Variants in PKP4 observed in about 807,000 individuals in gnomAD.
The protein encoded by PKP4 is plakophilin-4.
PKP4 carries 90 observed loss-of-function variants against 145.1 expected under a neutral mutation model. That is an observed-to-expected ratio of 0.62 (90% CI 0.52 to 0.74). The LOEUF is 0.74. PKP4 is among the 30% of genes least tolerant of loss of function. PKP4 has a pLI of 0.00. For synonymous variants in PKP4, 563 were observed against 577.2 expected, an observed-to-expected ratio of 0.98 and a Z score of 0.35; for missense variants, 1,340 against 1,482.7, an observed-to-expected ratio of 0.90 and a Z score of 1.58.
chr2:158,567,794 G>C (rs112310053), intron 2 of PKP4, among the ~76,000 whole-genome samples: 2 of 152,194 alleles, frequency 1.3e-5, no homozygotes, highest in African/African-American at 4.8e-5. Flanking sequence ...TTTTGCAGTA[G>C]TCTAAATTAA....
At chr2:158,663,820 A>C (rs964534772) in intron 15 of PKP4, among the ~76,000 whole-genome samples, 3 of 152,208 alleles carry the variant, frequency 2.0e-5, no homozygotes, top group Non-Finnish European at 4.4e-5. Context: ...CCTGAAGGGG[A>C]TGCTGCCCGG....
At chr2:158,497,788 G>C (rs1433546842) in intron 1 of PKP4, among the ~76,000 whole-genome samples, 5 of 152,206 alleles carry the variant, frequency 3.3e-5, no homozygotes, top group African/African-American at 9.6e-5. Context: ...TGCTGATGTT[G>C]CTATTATAGC....
chr2:158,603,209 A>G (rs1412393720), intron 4 of PKP4, 105 bp downstream of exon 4: 6 of 605,830 alleles, frequency 9.9e-6, no homozygotes, highest in Non-Finnish European at 1.7e-5. Context: ...AAAGCCTTTA[A>G]TAGTGACAAT....
At chr2:158,533,457 CAT>C in intron 2 of PKP4, 141 bp downstream of exon 2, 18 of 1,011,736 alleles carry the variant, frequency 1.8e-5, no homozygotes, top group South Asian at 2.7e-5. Context: ...TCCCTGAGTA[CAT>C]TGGGATGACT....
intron 2 of PKP4, 120 bp downstream of exon 2, chr2:158,533,436 AG>A: frequency 4.2e-6 from 5 of 1,188,374 alleles, no homozygotes; most frequent in Non-Finnish European, 6.1e-6. Context: ...TCTAATTATA[AG>A]GTGTTTACAT....
At chr2:158,563,953 A>T (rs937331542) in intron 2 of PKP4, among the ~76,000 whole-genome samples, 12 of 152,204 alleles carry the variant, frequency 7.9e-5, no homozygotes, top group Non-Finnish European at 1.2e-4. Flanking sequence ...ACCACGTTCG[A>T]GGAATTGACA....
At chr2:158,674,131 C>A (rs1195888488) in intron 19 of PKP4, 131 bp downstream of exon 19, 5 of 733,326 alleles carry the variant, frequency 6.8e-6, no homozygotes, top group South Asian at 4.6e-5. Flanking sequence ...AGAGAACCTT[C>A]TGTAGGAATC....
chr2:158,630,016 G>A (rs971759240), intron 7 of PKP4, among the ~76,000 whole-genome samples: 2 of 152,090 alleles, frequency 1.3e-5, no homozygotes, highest in African/African-American at 4.8e-5. Context: ...ACAGGCATGC[G>A]CCACCGTGCC....
chr2:158,548,664 C>T (rs369907940), intron 2 of PKP4: 5 of 165,302 alleles, frequency 3.0e-5, no homozygotes, highest in East Asian at 1.7e-4. Flanking sequence ...GTGCCTCTTG[C>T]GATGAACCAG....
chr2:158,669,302 G>C (rs1214764905), intron 16 of PKP4: 2 of 153,148 alleles, frequency 1.3e-5, no homozygotes, highest in Non-Finnish European at 2.9e-5. Context: ...CAGATTCAAA[G>C]GTAAGTTTTA....
intron 1 of PKP4, among the ~76,000 whole-genome samples, chr2:158,523,018 T>A (rs1329854637): frequency 1.3e-5 from 2 of 151,952 alleles, no homozygotes; most frequent in Non-Finnish European, 2.9e-5. Context: ...CACAGCAGTC[T>A]GAGATCAAAC....
chr2:158,671,707 G>A (rs1310590006), intron 17 of PKP4, among the ~76,000 whole-genome samples: 5 of 152,232 alleles, frequency 3.3e-5, no homozygotes, highest in Non-Finnish European at 2.9e-5. Flanking sequence ...AGCCCCACCC[G>A]AGGTAGCTTA....
intron 2 of PKP4, among the ~76,000 whole-genome samples, chr2:158,575,748 A>C (rs555449379): frequency 4.5e-4 from 68 of 152,258 alleles, no homozygotes; most frequent in African/African-American, 1.6e-3. Context: ...AAAGATGCAT[A>C]TAATGACAAG....
At chr2:158,649,027 T>C (rs1333311606) in intron 11 of PKP4, among the ~76,000 whole-genome samples, 2 of 152,088 alleles carry the variant, frequency 1.3e-5, no homozygotes, top group African/African-American at 4.8e-5. Context: ...AACAGAAACA[T>C]TCCCTTATTC....
intron 1 of PKP4, among the ~76,000 whole-genome samples, chr2:158,487,242 T>A (rs1482289213): frequency 6.6e-6 from 1 of 152,172 alleles, no homozygotes; most frequent in Admixed American, 6.5e-5. Flanking sequence ...AAATAGGAAT[T>A]TTTAACTGGC....
At chr2:158,457,319 G>T (rs755608300) in intron 1 of PKP4, 101 bp downstream of exon 1, 1 of 151,766 alleles carries the variant, frequency 6.6e-6, no homozygotes, top group Non-Finnish European at 1.5e-5. Flanking sequence ...CGCGCCGGGG[G>T]CCGGGGGCCT....
chr2:158,519,949 T>C (rs995660781), intron 1 of PKP4, among the ~76,000 whole-genome samples: 4 of 152,006 alleles, frequency 2.6e-5, no homozygotes, highest in African/African-American at 4.8e-5. Flanking sequence ...CCTCCTAGCA[T>C]CTATGGTGCT....
chr2:158,483,254 G>T (rs1403242550), intron 1 of PKP4, among the ~76,000 whole-genome samples: 1 of 151,788 alleles, frequency 6.6e-6, no homozygotes, highest in Non-Finnish European at 1.5e-5. Context: ...TCTATTCATT[G>T]TTAATGCATT....
chr2:158,553,386 T>C (rs1355192457), intron 2 of PKP4, among the ~76,000 whole-genome samples: 1 of 152,210 alleles, frequency 6.6e-6, no homozygotes, highest in East Asian at 1.9e-4. Context: ...AGGGAAGATC[T>C]GTGGATGACC....
Sources: allele counts gnomAD v4.1 joint callset (sites outside exome capture counted in the v4.1 genomes callset), GRCh38; gene constraint gnomAD v4.1.1; transcripts MANE v1.5; gene names NCBI Gene and HGNC (gene_info 2026-07-23, HGNC 2026-07-21).